Variants in POR observed in about 807,000 individuals in gnomAD.
The protein encoded by POR is NADPH--cytochrome P450 reductase.
POR carries 56 observed loss-of-function variants against 84.0 expected under a neutral mutation model. That is an observed-to-expected ratio of 0.67 (90% confidence interval 0.54 to 0.83). The LOEUF (loss-of-function observed/expected upper bound fraction) is 0.83. POR is among the 40% of genes least tolerant of loss of function. POR has a pLI of 0.00. For synonymous variants in POR, 414 were observed against 400.5 expected (o/e 1.03, Z -0.40); for missense variants, 938 against 944.3 (o/e 0.99, Z 0.09).
At chr7:75,943,021 G>A (rs1250666855) in intron 1 of POR, among the ~76,000 whole-genome samples, 4 of 150,898 alleles carry the variant, frequency 2.7e-5, no homozygotes, top group African/African-American at 9.7e-5. Flanking sequence ...GCATGATCTC[G>A]GCTCATTACA....
At chr7:75,981,891 CCA>C (rs1266703558) in intron 7 of POR, 4 of 573,570 alleles carry the variant, frequency 7.0e-6, no homozygotes, top group Non-Finnish European at 1.2e-5. Context: ...AAATCTGCCT[CCA>C]CAGACTTGGC....
At chr7:75,926,210 C>T (rs1807117896) in intron 1 of POR, among the ~76,000 whole-genome samples, 1 of 151,620 alleles carries the variant, frequency 6.6e-6, no homozygotes, top group South Asian at 2.1e-4. Flanking sequence ...TTGCCCAGGC[C>T]GATCTCAAAC....
chr7:75,936,775 G>A (rs1338333313), intron 1 of POR, among the ~76,000 whole-genome samples: 1 of 151,308 alleles, frequency 6.6e-6, no homozygotes, highest in African/African-American at 2.4e-5. Context: ...GCCCAGATTT[G>A]AGAAAAGTAA....
Position 75,979,999 on chromosome 7 carries a change from G to C in POR, c.367-340G>C, listed in dbSNP as rs549141575. ...ATATCAGTGTGCACCGGGGCTGTGCGGTGCCTGGGAGCTTTGGAATGAGGT... is the reference window on the plus strand; with the variant it reads ...ATATCAGTGTGCACCGGGGCTGTGCCGTGCCTGGGAGCTTTGGAATGAGGT... On this transcript the variant is annotated intron_variant, in intron 4 of 15. Transcript: ENST00000461988. 4.6e-5 allele frequency among the ~76,000 whole-genome samples: 7 copies of C among 152,306 alleles called. No individual in the cohort carries two copies. In the South Asian group the frequency reaches 1.4e-3, roughly 32 times the overall value.
intron 3 of POR, among the ~76,000 whole-genome samples, chr7:75,973,674 CTTTTTTTTTTTTT>C (rs35274225): frequency 1.5e-5 from 1 of 64,932 alleles, no homozygotes; most frequent in African/African-American, 6.7e-5. Flanking sequence ...CCAGACCTTG[CTTTTTTTTTTTTT>C]TTTTTTTTTT....
At chr7:75,946,516 G>A (rs1007492678) in intron 1 of POR, among the ~76,000 whole-genome samples, 1 of 152,102 alleles carries the variant, frequency 6.6e-6, no homozygotes, top group Non-Finnish European at 1.5e-5. Flanking sequence ...TCAAACTCCT[G>A]AGCTCAAGTA....
intron 2 of POR, chr7:75,968,366 C>T: frequency 2.3e-6 from 1 of 439,702 alleles, no homozygotes. Context: ...CCAGGACTTG[C>T]ACGCTGCATT....
Position 75,973,870 on chromosome 7 carries a change from G to T in POR, c.237+1409G>T, listed in dbSNP as rs571790414. Among the ~76,000 whole-genome samples the T allele has an allele frequency of 2.0e-5, 3 of 151,504 alleles. No homozygotes were observed. In the East Asian group the frequency reaches 5.8e-4, roughly 29 times the overall value. ...AATTTTTGTATTTTTAGTAGAGACGGGGTTTCACCATGTTGACCAGGCTGG... is the reference window on the plus strand; with the variant it reads ...AATTTTTGTATTTTTAGTAGAGACGTGGTTTCACCATGTTGACCAGGCTGG... On this transcript the variant is annotated intron_variant, in intron 3 of 15. Transcript: ENST00000461988.
At chr7:75,935,393 C>G (rs1807619818) in intron 1 of POR, among the ~76,000 whole-genome samples, 1 of 152,098 alleles carries the variant, frequency 6.6e-6, no homozygotes, top group Non-Finnish European at 1.5e-5. Flanking sequence ...ACTACAGGCA[C>G]CCACCACCAT....
chr7:75,983,157 A>G (rs551734866), intron 8 of POR, among the ~76,000 whole-genome samples: 1 of 152,308 alleles, frequency 6.6e-6, no homozygotes, highest in East Asian at 1.9e-4. Flanking sequence ...CCTGGCCAAC[A>G]TGGTGAAACC....
At chr7:75,929,133 G>T (rs1807290788) in intron 1 of POR, among the ~76,000 whole-genome samples, 1 of 152,140 alleles carries the variant, frequency 6.6e-6, no homozygotes, top group South Asian at 2.1e-4. Context: ...ATAGCGATGG[G>T]ATCTAATTAT....
chr7:75,954,161 T>G lies in POR; in HGVS notation c.169T>G (p.Phe57Val). ...AAAGAAAAAAGAAGAAGTCCCCGAG[T>G]TCACCAAAATTCAGACATTGTAAGT... Residue 57 changes from phenylalanine (F) to valine (V), a missense_variant, in exon 2 of 16, where the codon TTC (phenylalanine) becomes GTC (valine). By Grantham distance (50) the Phe-to-Val change is conservative (BLOSUM62 -1). Transcript: ENST00000461988. 6.2e-7 allele frequency: 1 copy of G among 1,610,360 alleles called. No individual in the cohort carries two copies. The highest frequency in any genetic ancestry group is 2.2e-5 in the East Asian group (1 of 44,782).
Position 75,981,618 on chromosome 7 carries a change from C to T in POR, c.731+12C>T, listed in dbSNP as rs781909708. ...GGCGAGGAGTCCAGGTGAGCAAGTG[C>T]CCGCAGGTGCGGTGGGTGGCCTGGG... On this transcript the variant is annotated intron_variant, in intron 7 of 15. Transcript: ENST00000461988. The T allele has an allele frequency of 6.2e-7, 1 of 1,609,786 alleles. No homozygotes were observed. Among genetic ancestry groups the T allele is most frequent in the South Asian group, 1.1e-5 (1 of 90,522 alleles).
At position 75,986,360 on chromosome 7, in the gene POR, A is replaced by C; in HGVS notation, c.1922A>C (p.Asp641Ala). ...AGGGATGCACGGAACATGGCCAGGGATGTGCAGAACACCTTCTACGACATC... is the reference window on the plus strand; with the variant it reads ...AGGGATGCACGGAACATGGCCAGGGCTGTGCAGAACACCTTCTACGACATC... Residue 641 changes from aspartate (D) to alanine (A), a missense_variant, in exon 16 of 16, where the codon GAT becomes GCT. Coordinates refer to ENST00000461988, the MANE Select transcript of POR (RefSeq NM_000941.3). The C allele has an allele frequency of 6.2e-7, 1 of 1,612,436 alleles. No homozygotes were observed. Among genetic ancestry groups the C allele is most frequent in the Non-Finnish European group, 8.5e-7 (1 of 1,179,796 alleles).
chr7:75,968,482 G>A (rs1788285375), intron 2 of POR, among the ~76,000 whole-genome samples: 1 of 152,244 alleles, frequency 6.6e-6, no homozygotes, highest in African/African-American at 2.4e-5. Context: ...CCAGGTCTGA[G>A]GTCCTCCGAT....
intron 1 of POR, among the ~76,000 whole-genome samples, chr7:75,917,472 C>T (rs1188495419): frequency 6.7e-6 from 1 of 148,456 alleles, no homozygotes; most frequent in African/African-American, 2.5e-5. Flanking sequence ...ACAAGAGCTT[C>T]GATGTCCTTG....
intron 1 of POR, 33 bp from the exon 2 acceptor site, chr7:75,953,956 C>A (rs1554553293): frequency 6.6e-7 from 1 of 1,516,296 alleles, no homozygotes; most frequent in Non-Finnish European, 8.9e-7. Flanking sequence ...CTGCTACCCT[C>A]TGCTGACATC....
chr7:75,920,429 C>G (rs2116197654), intron 1 of POR, among the ~76,000 whole-genome samples: 1 of 152,212 alleles, frequency 6.6e-6, no homozygotes, highest in Non-Finnish European at 1.5e-5. Flanking sequence ...GGAAAGTTGC[C>G]TTTTGTCTAC....
In POR at chr7:75,986,065, C is replaced by T. The variant is rs1488725765; in HGVS notation, c.1812C>T (p.His604=). Residue 604 remains histidine, a synonymous_variant, in exon 14 of 16, where the codon CAC becomes CAT. Coordinates refer to ENST00000461988, the MANE Select transcript of POR (RefSeq NM_000941.3). ...TGGCCTTCTCCCGGGAGCAGTCCCA[C>T]AAGGTGAGACGGGCGGGCACCCACG... The T allele has an allele frequency of 1.3e-6, 2 of 1,562,256 alleles. No individual in the cohort carries two copies. Among genetic ancestry groups the T allele is most frequent in the Non-Finnish European group, 1.7e-6 (2 of 1,154,248 alleles).
Sources: gnomAD v4.1 joint callset for allele counts (sites outside exome capture counted in the v4.1 genomes callset) on GRCh38, gnomAD v4.1.1 for gene constraint, MANE v1.5 for transcripts, NCBI Gene and HGNC (gene_info 2026-07-23, HGNC 2026-07-21) for gene names.